Variants in PHLDB2 observed in about 807,000 individuals in gnomAD.
The protein encoded by PHLDB2 is pleckstrin homology like domain family B member 2.
In PHLDB2, 71 loss-of-function variants were observed where a neutral mutation model predicts 123.6. The ratio of observed to expected loss-of-function variants is 0.57; its 90% confidence interval spans 0.47 to 0.70. The LOEUF is 0.70. PHLDB2 is among the 30% of genes least tolerant of loss of function. The pLI, the probability that PHLDB2 is intolerant of heterozygous loss-of-function variation, is 0.00. For missense variants in PHLDB2, 1,446 were observed against 1,519.5 expected, an observed-to-expected ratio of 0.95 and a Z score of 0.80; for synonymous variants, 547 against 541.6, an observed-to-expected ratio of 1.01 and a Z score of -0.14.
chr3:111,936,065 G>A (rs1339470027), intron 6 of PHLDB2, among the ~76,000 whole-genome samples: 1 of 152,184 alleles, frequency 6.6e-6, no homozygotes. Flanking sequence ...TTGGCCATGA[G>A]CTGTTATTAC....
chr3:111,845,811 C>A, intron 1 of PHLDB2: 1 of 1,612,080 alleles, frequency 6.2e-7, no homozygotes, highest in Non-Finnish European at 8.5e-7. Flanking sequence ...TCTTTTCTTG[C>A]TGTGTGCAGG....
At position 111,932,275 on chromosome 3, in the gene PHLDB2, G is replaced by A. The variant is rs1277527685; in HGVS notation, c.2008G>A (p.Val670Ile). 1 of 1,551,100 alleles carries A rather than the reference G, an allele frequency of 6.4e-7. No individual in the cohort carries two copies. The highest frequency in any genetic ancestry group is 8.7e-7 in the Non-Finnish European group (1 of 1,146,590). The change falls in exon 6 of 18, where the codon GTA becomes ATA. Residue 670 changes from valine (V) to isoleucine (I), a missense_variant. Physicochemically the swap from Val to Ile is conservative, Grantham distance 29. Coordinates refer to ENST00000431670, the MANE Select transcript of PHLDB2 (RefSeq NM_001134438.2). ...NIVGEKTKEK[V>I]KLDAEREKLE... ...TCTGGTTTCTGAACTTCAGGAGAAGGTAAAGCTTGATGCTGAAAGGGAAAA... is the reference window on the plus strand; with the variant it reads ...TCTGGTTTCTGAACTTCAGGAGAAGATAAAGCTTGATGCTGAAAGGGAAAA...
At chr3:111,764,087 T>G (rs2060038562) in intron 1 of PHLDB2, among the ~76,000 whole-genome samples, 1 of 152,190 alleles carries the variant, frequency 6.6e-6, no homozygotes, top group Non-Finnish European at 1.5e-5. Context: ...ACACCGCTAC[T>G]CAAGTTGTGT....
intron 10 of PHLDB2, chr3:111,949,642 C>A: frequency 2.4e-6 from 2 of 840,230 alleles, no homozygotes; most frequent in Non-Finnish European, 2.9e-6. Flanking sequence ...AATTTCATTT[C>A]TATGTCTTAT....
chr3:111,970,520 T>A (rs987357468), intron 16 of PHLDB2, among the ~76,000 whole-genome samples: 2 of 152,204 alleles, frequency 1.3e-5, no homozygotes, highest in Admixed American at 1.3e-4. Context: ...GTAAAGCTCA[T>A]TGGTAAACTA....
At chr3:111,762,977 C>T (rs887686283) in intron 1 of PHLDB2, among the ~76,000 whole-genome samples, 1 of 152,130 alleles carries the variant, frequency 6.6e-6, no homozygotes, top group Non-Finnish European at 1.5e-5. Context: ...AACTAGCTGC[C>T]TGTTTGGTGC....
chr3:111,732,853 C>T, intron 1 of PHLDB2: 1 of 617,554 alleles, frequency 1.6e-6, no homozygotes, highest in Non-Finnish European at 2.8e-6. Context: ...TTTCTATCAG[C>T]CTGTTCTGGA....
chr3:111,966,731 T>C, intron 14 of PHLDB2, 28 bp downstream of exon 14: 1 of 1,586,990 alleles, frequency 6.3e-7, no homozygotes. Flanking sequence ...ATGCCGGAGG[T>C]CTGTGATACC....
At chr3:111,822,291 A>ATG (rs1385316509) in intron 1 of PHLDB2, among the ~76,000 whole-genome samples, 2 of 87,118 alleles carry the variant, frequency 2.3e-5, no homozygotes, top group Non-Finnish European at 4.1e-5. Context: ...CTCTATCTTT[A>ATG]TGTATGTGTG....
chr3:111,907,657 A>C (rs546422687), intron 2 of PHLDB2, among the ~76,000 whole-genome samples: 3 of 152,074 alleles, frequency 2.0e-5, no homozygotes, highest in African/African-American at 7.2e-5. Context: ...CACCGCTCCC[A>C]GCTGATTTTT....
chr3:111,756,446 T>A (rs904789545), intron 1 of PHLDB2, among the ~76,000 whole-genome samples: 1 of 152,172 alleles, frequency 6.6e-6, no homozygotes, highest in African/African-American at 2.4e-5. Flanking sequence ...GTTTAAAGTC[T>A]TTTATCAGAG....
intron 1 of PHLDB2, among the ~76,000 whole-genome samples, chr3:111,788,952 C>G (rs2060800340): frequency 6.6e-6 from 1 of 152,134 alleles, no homozygotes; most frequent in Non-Finnish European, 1.5e-5. Flanking sequence ...ATTTTCTTTC[C>G]TTGTTGGCAG....
intron 12 of PHLDB2, among the ~76,000 whole-genome samples, chr3:111,955,143 T>TATATATATATA (rs1559921115): frequency 1.1e-4 from 1 of 9,254 alleles, no homozygotes; most frequent in Non-Finnish European, 2.2e-4. Context: ...TATGTATATA[T>TATATATATATA]GATATATATA....
intron 12 of PHLDB2, among the ~76,000 whole-genome samples, chr3:111,959,029 G>A (rs762161078): frequency 6.6e-6 from 1 of 152,254 alleles, no homozygotes; most frequent in Non-Finnish European, 1.5e-5. Flanking sequence ...TTCAATGAGA[G>A]TGGAGGCCTA....
At chr3:111,841,850 G>C (rs2063713682) in intron 1 of PHLDB2, among the ~76,000 whole-genome samples, 1 of 152,168 alleles carries the variant, frequency 6.6e-6, no homozygotes, top group African/African-American at 2.4e-5. Context: ...GAGCACTGTA[G>C]GAATGCCCTG....
intron 2 of PHLDB2, among the ~76,000 whole-genome samples, chr3:111,849,378 C>G (rs1360984333): frequency 6.6e-6 from 1 of 152,104 alleles, no homozygotes; most frequent in Non-Finnish European, 1.5e-5. Flanking sequence ...GCTATGTTGT[C>G]TAGGCTGGTC....
At chr3:111,954,486 T>C (rs1406583232) in intron 12 of PHLDB2, among the ~76,000 whole-genome samples, 3 of 152,222 alleles carry the variant, frequency 2.0e-5, no homozygotes, top group East Asian at 3.8e-4. Context: ...GGCCTTTTAA[T>C]GTAGATTTGA....
chr3:111,969,213 T>C (rs569234187), intron 15 of PHLDB2, among the ~76,000 whole-genome samples: 1 of 152,226 alleles, frequency 6.6e-6, no homozygotes, highest in African/African-American at 2.4e-5. Context: ...TACAGCTTTG[T>C]GGGATCCTGT....
intron 1 of PHLDB2, among the ~76,000 whole-genome samples, chr3:111,743,427 C>T (rs1045358582): frequency 6.6e-6 from 1 of 152,108 alleles, no homozygotes; most frequent in African/African-American, 2.4e-5. Flanking sequence ...ACTTCTGCCT[C>T]GTGGACAAGC....
Sources: gnomAD v4.1 joint callset for allele counts (sites outside exome capture counted in the v4.1 genomes callset) on GRCh38, gnomAD v4.1.1 for gene constraint, MANE v1.5 for transcripts, NCBI Gene and HGNC (gene_info 2026-07-23, HGNC 2026-07-21) for gene names.